The following PPP1R12A variants were observed in gnomAD, a reference collection of about 807,000 sequenced individuals.
PPP1R12A encodes the protein protein phosphatase 1 regulatory subunit 12A.
Under a neutral mutation model 139.6 loss-of-function variants are expected in PPP1R12A, and 19 were observed. That is an observed-to-expected ratio of 0.14 (90% CI 0.09 to 0.20). The LOEUF (loss-of-function observed/expected upper bound fraction) is 0.20. Ranked by LOEUF, PPP1R12A falls within the 10% of genes least tolerant of loss-of-function variation. The pLI, the probability that PPP1R12A is intolerant of heterozygous loss-of-function variation, is 1.00. For synonymous variants in PPP1R12A, 427 were observed against 420.6 expected (o/e 1.02, Z -0.19); for missense variants, 925 against 1,211.5 (o/e 0.76, Z 3.51).
In PPP1R12A at chr12:79,804,516, A is replaced by T. The variant is rs113725017; in HGVS notation, c.2000+1076T>A. On this transcript the variant is annotated intron_variant, in intron 14 of 24. Coordinates refer to ENST00000450142, the MANE Select transcript of PPP1R12A (RefSeq NM_002480.3). ...AACTTATTACTTTTCATATATTCAA[A>T]CACAAATATTACTGTGAGGCCATTA... Among the ~76,000 whole-genome samples, 103 of 152,276 alleles carry T rather than the reference A, an allele frequency of 6.8e-4. 1 individual carries two copies. The highest frequency in any genetic ancestry group is 2.4e-3 in the African/African-American group (100 of 41,580).
intron 2 of PPP1R12A, among the ~76,000 whole-genome samples, chr12:79,865,987 C>A (rs960515791): frequency 3.3e-5 from 5 of 152,044 alleles, no homozygotes; most frequent in Admixed American, 2.0e-4. Flanking sequence ...TCATATGGAA[C>A]CAAAAAAGAG....
At chr12:79,880,393 AAC>A (rs1883524006) in intron 1 of PPP1R12A, among the ~76,000 whole-genome samples, 1 of 152,056 alleles carries the variant, frequency 6.6e-6, no homozygotes, top group Non-Finnish European at 1.5e-5. Context: ...GGAATAAACA[AAC>A]AGTCAGTCAA....
intron 1 of PPP1R12A, among the ~76,000 whole-genome samples, chr12:79,883,116 G>A (rs2400638): frequency 0.79 from 119,502 of 152,080 alleles, 49,466 homozygotes; most frequent in Non-Finnish European, 0.92. Context: ...CAGCCTCGGC[G>A]ACAGAGCAAG....
At chr12:79,865,238 T>C (rs183774519) in intron 2 of PPP1R12A, among the ~76,000 whole-genome samples, 1 of 152,342 alleles carries the variant, frequency 6.6e-6, no homozygotes, top group Non-Finnish European at 1.5e-5. Flanking sequence ...TCTCAACAGA[T>C]GCAGAAAAGG....
At chr12:79,929,653 C>G (rs1175538865) in intron 1 of PPP1R12A, among the ~76,000 whole-genome samples, 1 of 151,982 alleles carries the variant, frequency 6.6e-6, no homozygotes, top group Non-Finnish European at 1.5e-5. Flanking sequence ...CCCGTAATCC[C>G]AGCTACTTGG....
intron 1 of PPP1R12A, among the ~76,000 whole-genome samples, chr12:79,934,129 G>C (rs900062229): frequency 5.9e-5 from 9 of 152,136 alleles, no homozygotes; most frequent in African/African-American, 2.2e-4. Flanking sequence ...GTGACCAAGA[G>C]TAATAAATGA....
At chr12:79,828,577 A>G in intron 4 of PPP1R12A, 113 bp from the exon 5 acceptor site, 1 of 841,320 alleles carries the variant, frequency 1.2e-6, no homozygotes, top group East Asian at 2.9e-5. Context: ...TTCTTTTCAG[A>G]ATTTACATCC....
At chr12:79,879,216 C>T (rs151230706) in intron 1 of PPP1R12A, among the ~76,000 whole-genome samples, 118 of 152,120 alleles carry the variant, frequency 7.8e-4, no homozygotes, top group African/African-American at 2.7e-3. Flanking sequence ...CCCGTCTCTA[C>T]TAAAAATACA....
At chr12:79,929,632 G>A (rs1340948344) in intron 1 of PPP1R12A, among the ~76,000 whole-genome samples, 1 of 152,072 alleles carries the variant, frequency 6.6e-6, no homozygotes, top group Non-Finnish European at 1.5e-5. Flanking sequence ...AGCCAGGCAT[G>A]GTGCCACGCA....
chr12:79,921,755 T>C (rs916970604), intron 1 of PPP1R12A, among the ~76,000 whole-genome samples: 1 of 152,232 alleles, frequency 6.6e-6, no homozygotes, highest in Non-Finnish European at 1.5e-5. Context: ...CTAATTTAAA[T>C]GAATAACAGC....
intron 1 of PPP1R12A, among the ~76,000 whole-genome samples, chr12:79,887,025 T>C (rs1884166138): frequency 6.6e-6 from 1 of 152,134 alleles, no homozygotes; most frequent in Admixed American, 6.6e-5. Context: ...GGGTCATTCT[T>C]TCATGAATAA....
At chr12:79,813,067 T>C (rs1295341021) in intron 9 of PPP1R12A, among the ~76,000 whole-genome samples, 1 of 152,204 alleles carries the variant, frequency 6.6e-6, no homozygotes, top group Non-Finnish European at 1.5e-5. Flanking sequence ...AATCCTCTCA[T>C]GGCATTGTTC....
chr12:79,805,966 T>A, intron 13 of PPP1R12A, 198 bp from the exon 14 acceptor site: 1 of 939,536 alleles, frequency 1.1e-6, no homozygotes, highest in Non-Finnish European at 1.5e-6. Context: ...GCAGTCTAAT[T>A]CAAGGAAAGT....
intron 23 of PPP1R12A, 48 bp downstream of exon 23, chr12:79,781,767 C>A: frequency 8.4e-7 from 1 of 1,197,140 alleles, no homozygotes; most frequent in South Asian, 1.7e-5. Context: ...CATTGTTTAC[C>A]TAAAACAAGA....
chr12:79,808,391 C>G (rs1874119045), intron 11 of PPP1R12A, 92 bp downstream of exon 11: 1 of 867,874 alleles, frequency 1.2e-6, no homozygotes, highest in African/African-American at 1.7e-5. Context: ...CAATACATAT[C>G]CGCACATAAT....
chr12:79,910,910 C>A (rs1886513438), intron 1 of PPP1R12A, among the ~76,000 whole-genome samples: 2 of 152,276 alleles, frequency 1.3e-5, no homozygotes, highest in African/African-American at 4.8e-5. Context: ...AACTTAAGCA[C>A]AGAATTCTGA....
At chr12:79,841,574 T>C (rs1476810459) in intron 3 of PPP1R12A, among the ~76,000 whole-genome samples, 2 of 152,184 alleles carry the variant, frequency 1.3e-5, no homozygotes, top group African/African-American at 2.4e-5. Flanking sequence ...ACGCTAGCAA[T>C]TTCCCTTATA....
At chr12:79,776,132 AT>A in intron 24 of PPP1R12A, 117 bp from the exon 25 acceptor site, 1 of 600,880 alleles carries the variant, frequency 1.7e-6, no homozygotes, top group Non-Finnish European at 2.7e-6. Context: ...TGTCAGTTAT[AT>A]ATATTTCTAG....
chr12:79,864,885 A>T (rs1247914776), intron 2 of PPP1R12A, among the ~76,000 whole-genome samples: 1 of 152,220 alleles, frequency 6.6e-6, no homozygotes, highest in African/African-American at 2.4e-5. Context: ...ATTCTACCAG[A>T]GGTACAAAGA....
Sources: allele counts gnomAD v4.1 joint callset (sites outside exome capture counted in the v4.1 genomes callset), GRCh38; gene constraint gnomAD v4.1.1; transcripts MANE v1.5; gene names NCBI Gene and HGNC (gene_info 2026-07-23, HGNC 2026-07-21).